GPC4: variants seen among roughly 807,000 people sequenced by gnomAD.
GPC4 encodes glypican 4.
GPC4 carries 10 observed loss-of-function variants against 35.0 expected under a neutral mutation model. That is an observed-to-expected ratio of 0.29 (90% CI 0.18 to 0.48). The LOEUF (loss-of-function observed/expected upper bound fraction) is 0.48. GPC4 is among the 20% of genes least tolerant of loss of function. GPC4 has a pLI of 0.99. For synonymous variants in GPC4, 167 were observed against 170.2 expected (o/e 0.98, Z 0.15); for missense variants, 322 against 451.3 (o/e 0.71, Z 2.60).
rs6654669 is a variant in GPC4, at chrX:133,397,318, G to C, written c.160+17488C>G. ...CACACGCCTCTAGTCCCAGCGCTTT[G>C]GGAAGCCGAGGCAGGCAGATCACTT... On this transcript the variant is annotated intron_variant, in intron 1 of 8. Transcript: ENST00000370828. Among the ~76,000 whole-genome samples the C allele has an allele frequency of 4.5e-3, 502 of 111,850 alleles. 3 individuals are homozygous for C. The highest frequency in any genetic ancestry group is 0.016 in the African/African-American group (484 of 30,788).
intron 1 of GPC4, among the ~76,000 whole-genome samples, chrX:133,352,440 CAA>C (rs1259521542): frequency 3.7e-5 from 4 of 108,970 alleles, no homozygotes; most frequent in Admixed American, 2.0e-4. Flanking sequence ...ATCGGCAGAA[CAA>C]AGACTTCCCA....
Position 133,304,806 on chromosome X carries a change from G to C in GPC4, c.1211C>G (p.Pro404Arg), listed in dbSNP as rs373482151. 8 of 1,208,571 alleles carry C rather than the reference G, an allele frequency of 6.6e-6. No homozygotes were observed. Residue 404 changes from proline to arginine, a missense_variant, in exon 7 of 9, where the codon CCG (proline) becomes CGG (arginine). Pro to Arg is a moderately radical substitution (Grantham distance 103). Transcript: ENST00000370828. ...CCTCTCATCGTTGCAAACGTTGCTC[G>C]GAAGGGAGGACCAGAATTTCTTGGC... ...KQAKKFWSSL[P>R]SNVCNDERMA...
At chrX:133,363,305 G>A (rs1177441552) in intron 1 of GPC4, among the ~76,000 whole-genome samples, 1 of 111,078 alleles carries the variant, frequency 9.0e-6, no homozygotes, top group African/African-American at 3.3e-5. Flanking sequence ...CTAAAGTGCT[G>A]GGATTACGGG....
At chrX:133,312,685 AAAAG>A (rs2068321384) in intron 3 of GPC4, among the ~76,000 whole-genome samples, 2 of 86,064 alleles carry the variant, frequency 2.3e-5, no homozygotes, top group South Asian at 1.3e-3. Context: ...GGAAGAAAGA[AAAAG>A]AAAGAAAGGA....
At chrX:133,348,530 T>A (rs748961141) in intron 1 of GPC4, among the ~76,000 whole-genome samples, 1 of 112,717 alleles carries the variant, frequency 8.9e-6, no homozygotes, top group South Asian at 3.7e-4. Context: ...CAGGAAAAGA[T>A]GGAGCTCTCT....
At chrX:133,351,615 CT>C (rs1168097817) in intron 1 of GPC4, among the ~76,000 whole-genome samples, 1 of 111,328 alleles carries the variant, frequency 9.0e-6, no homozygotes, top group Non-Finnish European at 1.9e-5. Flanking sequence ...CTGACTGGGA[CT>C]TATCCTAGTG....
chrX:133,312,219 G>C (rs915486781), intron 3 of GPC4, among the ~76,000 whole-genome samples: 1 of 111,223 alleles, frequency 9.0e-6, no homozygotes, highest in Non-Finnish European at 1.9e-5. Context: ...CTGTAGGAGA[G>C]TACAGGACAT....
chrX:133,408,687 G>A (rs976215411), intron 1 of GPC4, among the ~76,000 whole-genome samples: 1 of 110,759 alleles, frequency 9.0e-6, no homozygotes, highest in Non-Finnish European at 1.9e-5. Context: ...AGCTGAGATC[G>A]TGCCATTGCA....
chrX:133,323,959 G>C (rs1398917803), intron 3 of GPC4, among the ~76,000 whole-genome samples, 186 bp downstream of exon 3: 2 of 111,943 alleles, frequency 1.8e-5, no homozygotes, highest in Non-Finnish European at 3.8e-5. Context: ...TCACAGTATT[G>C]TTTAGTAACT....
At chrX:133,400,191 G>GGCCT (rs2068762405) in intron 1 of GPC4, among the ~76,000 whole-genome samples, 1 of 111,701 alleles carries the variant, frequency 9.0e-6, no homozygotes, top group Non-Finnish European at 1.9e-5. Context: ...AGATAACTCG[G>GGCCT]GCCTATCTTC....
chrX:133,356,520 C>T (rs747881474), intron 1 of GPC4, among the ~76,000 whole-genome samples: 1 of 111,595 alleles, frequency 9.0e-6, no homozygotes, highest in Non-Finnish European at 1.9e-5. Context: ...GCTGGAATTA[C>T]AGGTGTGAGC....
chrX:133,326,612 A>G (rs1368445844), intron 2 of GPC4, among the ~76,000 whole-genome samples: 1 of 112,021 alleles, frequency 8.9e-6, no homozygotes, highest in African/African-American at 3.2e-5. Flanking sequence ...AACTTCTCCC[A>G]TTTCACCTAT....
intron 1 of GPC4, among the ~76,000 whole-genome samples, chrX:133,352,546 GT>G (rs752136922): frequency 9.1e-6 from 1 of 109,780 alleles, no homozygotes; most frequent in African/African-American, 3.3e-5. Flanking sequence ...CTCAGACAAT[GT>G]TAGTGCTTTG....
At chrX:133,404,111 C>T (rs1237966859) in intron 1 of GPC4, among the ~76,000 whole-genome samples, 1 of 111,634 alleles carries the variant, frequency 9.0e-6, no homozygotes, top group African/African-American at 3.3e-5. Context: ...ACAAGGGAAA[C>T]CAGTATTCAA....
intron 1 of GPC4, among the ~76,000 whole-genome samples, chrX:133,356,568 G>A (rs2068542611): frequency 9.0e-6 from 1 of 111,126 alleles, no homozygotes; most frequent in South Asian, 3.9e-4. Context: ...TAGTTCCTAA[G>A]AGAGAACTGT....
chrX:133,409,529 C>G (rs945688874), intron 1 of GPC4, among the ~76,000 whole-genome samples: 2 of 110,637 alleles, frequency 1.8e-5, no homozygotes, highest in African/African-American at 6.6e-5. Flanking sequence ...ACACTTGGTA[C>G]TGCTACCCAC....
At position 133,339,165 on chromosome X, in the gene GPC4, A is replaced by G; in HGVS notation, c.319+18T>C. ...CAGACCTAACTGCCGGTTCTTACATATGACTTGAATAACATACCATCAAAC... is the reference window on the plus strand; with the variant it reads ...CAGACCTAACTGCCGGTTCTTACATGTGACTTGAATAACATACCATCAAAC... On this transcript the variant is annotated intron_variant, in intron 2 of 8. Coordinates refer to ENST00000370828, the MANE Select transcript of GPC4 (RefSeq NM_001448.3). 2 of 1,209,218 alleles carry G rather than the reference A, an allele frequency of 1.7e-6. No individual in the cohort carries two copies. The highest frequency in any genetic ancestry group is 3.0e-5 in the East Asian group (1 of 33,798).
intron 2 of GPC4, among the ~76,000 whole-genome samples, chrX:133,325,087 G>A (rs1386476433): frequency 1.8e-5 from 2 of 110,338 alleles, no homozygotes; most frequent in Non-Finnish European, 3.8e-5. Flanking sequence ...GAAAATGGTT[G>A]AGGCCAAAAA....
At chrX:133,349,619 C>A (rs2068507917) in intron 1 of GPC4, among the ~76,000 whole-genome samples, 1 of 111,289 alleles carries the variant, frequency 9.0e-6, no homozygotes, top group South Asian at 3.7e-4. Context: ...TGAGTCATAA[C>A]AATTTGTTGT....
Sources: allele counts gnomAD v4.1 joint callset (sites outside exome capture counted in the v4.1 genomes callset), GRCh38; gene constraint gnomAD v4.1.1; transcripts MANE v1.5; gene names NCBI Gene and HGNC (gene_info 2026-07-23, HGNC 2026-07-21).